The following PAQR5 variants were observed in gnomAD, a reference collection of about 807,000 sequenced individuals.
The protein encoded by PAQR5 is progestin and adipoQ receptor family member 5, also known as membrane progestin receptor gamma.
Under a neutral mutation model 34.5 loss-of-function variants are expected in PAQR5, and 20 were observed. That is an observed-to-expected ratio of 0.58 (90% confidence interval 0.41 to 0.84). The LOEUF (loss-of-function observed/expected upper bound fraction) is 0.84, where lower values mean the gene tolerates loss of function less well. PAQR5 is among the 40% of genes least tolerant of loss of function. The probability of loss-of-function intolerance (pLI) is 0.00; values close to 1 mark genes in which losing one functional copy is unlikely to be tolerated. For missense variants in PAQR5, 378 were observed against 412.7 expected (o/e 0.92, Z 0.73); for synonymous variants, 131 against 155.6 (o/e 0.84, Z 1.18).
intron 2 of PAQR5, among the ~76,000 whole-genome samples, chr15:69,350,274 GA>G (rs1363473338): frequency 6.6e-6 from 1 of 152,190 alleles, no homozygotes; most frequent in East Asian, 1.9e-4. Flanking sequence ...AAGTGAAATA[GA>G]AAGTCTACTA....
At chr15:69,310,545 T>C (rs2053807568) in intron 1 of PAQR5, among the ~76,000 whole-genome samples, 1 of 152,244 alleles carries the variant, frequency 6.6e-6, no homozygotes, top group South Asian at 2.1e-4. Flanking sequence ...TTCTGTGAAC[T>C]GTCTATTCAT....
chr15:69,304,156 C>G (rs913720132), intron 1 of PAQR5, among the ~76,000 whole-genome samples: 1 of 151,824 alleles, frequency 6.6e-6, no homozygotes, highest in Non-Finnish European at 1.5e-5. Flanking sequence ...CCCTTCCCTA[C>G]CCCCCCATCC....
intron 2 of PAQR5, among the ~76,000 whole-genome samples, chr15:69,338,819 T>C (rs2054570022): frequency 6.6e-6 from 1 of 152,256 alleles, no homozygotes; most frequent in Admixed American, 6.5e-5. Flanking sequence ...GGGAGAAACT[T>C]ACTTTGTAGT....
At chr15:69,323,731 TC>T (rs1374945180) in intron 1 of PAQR5, among the ~76,000 whole-genome samples, 2 of 152,152 alleles carry the variant, frequency 1.3e-5, no homozygotes, top group Non-Finnish European at 2.9e-5. Flanking sequence ...GTAAAGCAAA[TC>T]CCTAGATTTG....
At chr15:69,334,932 A>G (rs965358988) in intron 1 of PAQR5, among the ~76,000 whole-genome samples, 2 of 152,174 alleles carry the variant, frequency 1.3e-5, no homozygotes, top group Non-Finnish European at 2.9e-5. Flanking sequence ...CTAAGATTTA[A>G]AAGAAATTGG....
At chr15:69,311,098 G>C (rs2053825690) in intron 1 of PAQR5, among the ~76,000 whole-genome samples, 1 of 144,274 alleles carries the variant, frequency 6.9e-6, no homozygotes, top group South Asian at 2.3e-4. Context: ...AGATTCACTA[G>C]AGAGGGGATC....
chr15:69,361,128 G>T (rs1338768134), intron 3 of PAQR5, among the ~76,000 whole-genome samples: 3 of 152,198 alleles, frequency 2.0e-5, no homozygotes, highest in African/African-American at 7.2e-5. Context: ...ACTGGGCAGA[G>T]CACCTGCCTC....
intron 2 of PAQR5, among the ~76,000 whole-genome samples, chr15:69,357,303 G>A (rs988422311): frequency 3.3e-5 from 5 of 151,600 alleles, no homozygotes; most frequent in East Asian, 3.9e-4. Context: ...TTGCTCTGTC[G>A]TCCAGGCTGG....
At chr15:69,358,839 C>T (rs934413710) in intron 2 of PAQR5, among the ~76,000 whole-genome samples, 9 of 151,970 alleles carry the variant, frequency 5.9e-5, no homozygotes, top group Non-Finnish European at 1.3e-4. Context: ...TGGTCTTGAA[C>T]TCTGGGGCTC....
intron 2 of PAQR5, among the ~76,000 whole-genome samples, chr15:69,353,957 G>A (rs2054991914): frequency 6.6e-6 from 1 of 152,186 alleles, no homozygotes; most frequent in African/African-American, 2.4e-5. Flanking sequence ...TGGGATGACT[G>A]ATGTGGATGA....
At chr15:69,349,930 C>T (rs1317906294) in intron 2 of PAQR5, among the ~76,000 whole-genome samples, 4 of 152,122 alleles carry the variant, frequency 2.6e-5, no homozygotes, top group African/African-American at 7.2e-5. Context: ...GCGTGAGCCA[C>T]GGTGCCCAGC....
intron 3 of PAQR5, among the ~76,000 whole-genome samples, chr15:69,364,315 A>G (rs2055323807): frequency 6.6e-6 from 1 of 151,816 alleles, no homozygotes; most frequent in Admixed American, 6.6e-5. Flanking sequence ...TAGCTTATTA[A>G]AATATGATAG....
At chr15:69,387,752 C>T (rs1332762931) in intron 5 of PAQR5, among the ~76,000 whole-genome samples, 1 of 152,078 alleles carries the variant, frequency 6.6e-6, no homozygotes. Context: ...CACTGTCTGT[C>T]TGTGTAAGAG....
In PAQR5 at chr15:69,384,799, C is replaced by T. The variant is rs142266731; in HGVS notation, c.302C>T (p.Ala101Val). 13 of 1,613,756 alleles carry T rather than the reference C, an allele frequency of 8.1e-6. No homozygotes were observed. The highest frequency in any genetic ancestry group is 2.7e-5 in the African/African-American group (2 of 74,908). The stretch of plus-strand genomic sequence containing the variant: ...GTGTACCCACTTGTGTCCAGCTGTG[C>T]GCACACCTTCAGCTCTATGTCCAAG... ...SCVYPLVSSC[A>V]HTFSSMSKNA... Residue 101 changes from alanine (A) to valine (V), a missense_variant, in exon 5 of 9, where the codon GCG becomes GTG. Ala to Val is a moderately conservative substitution (Grantham distance 64). Transcript: ENST00000395407.
intron 3 of PAQR5, among the ~76,000 whole-genome samples, chr15:69,374,927 A>G: frequency 6.6e-6 from 1 of 152,164 alleles, no homozygotes; most frequent in Non-Finnish European, 1.5e-5. Flanking sequence ...AGCCAGAGGC[A>G]GTTGCAGCAT....
At chr15:69,390,650 G>A (rs1197463946) in intron 6 of PAQR5, among the ~76,000 whole-genome samples, 1 of 152,082 alleles carries the variant, frequency 6.6e-6, no homozygotes, top group Admixed American at 6.5e-5. Flanking sequence ...TACAGGTAAT[G>A]TACCCAGGAC....
chr15:69,366,910 T>A (rs66837815), intron 3 of PAQR5, among the ~76,000 whole-genome samples: 20,444 of 152,108 alleles, frequency 0.13, 2,760 homozygotes, highest in African/African-American at 0.34. Context: ...CTTCCCGATG[T>A]TGCAAAGGTA....
chr15:69,363,867 T>G (rs1300830273), intron 3 of PAQR5, among the ~76,000 whole-genome samples: 2 of 152,058 alleles, frequency 1.3e-5, no homozygotes, highest in African/African-American at 4.8e-5. Flanking sequence ...TTGCTAAGCT[T>G]TAAATAACTA....
chr15:69,353,500 G>A (rs74020643), intron 2 of PAQR5, among the ~76,000 whole-genome samples: 3,184 of 152,258 alleles, frequency 0.021, 118 homozygotes, highest in African/African-American at 0.072. Flanking sequence ...CCATGTTCCC[G>A]TTATTCCGAA....
Sources: gnomAD v4.1 joint callset for allele counts (sites outside exome capture counted in the v4.1 genomes callset) on GRCh38, gnomAD v4.1.1 for gene constraint, MANE v1.5 for transcripts, NCBI Gene and HGNC (gene_info 2026-07-23, HGNC 2026-07-21) for gene names.